Variants in ZFYVE28 observed in about 807,000 individuals in gnomAD.
The protein encoded by ZFYVE28 is lateral signaling target protein 2 homolog.
ZFYVE28 carries 40 observed loss-of-function variants against 82.1 expected under a neutral mutation model. That is an observed-to-expected ratio of 0.49 (90% confidence interval 0.38 to 0.63). The LOEUF (loss-of-function observed/expected upper bound fraction) is 0.63, where lower values mean the gene tolerates loss of function less well. Among genes scored for constraint, ZFYVE28 ranks in the 30% least tolerant of loss-of-function variants. The pLI is 0.00. For synonymous variants in ZFYVE28, 612 were observed against 546.1 expected (o/e 1.12, Z -1.68); for missense variants, 1,321 against 1,242.1 (o/e 1.06, Z -0.96).
chr4:2,330,776 T>C, intron 6 of ZFYVE28: 2 of 1,517,490 alleles, frequency 1.3e-6, no homozygotes, highest in South Asian at 1.2e-5. Flanking sequence ...GCAGTAGGGA[T>C]AGGACAGTCA....
At chr4:2,410,642 C>T (rs4974690) in intron 1 of ZFYVE28, among the ~76,000 whole-genome samples, 24,834 of 151,874 alleles carry the variant, frequency 0.16, 2,178 homozygotes, top group East Asian at 0.34. Flanking sequence ...ACTACAGGCG[C>T]CCGCCACCAC....
chr4:2,292,851 G>A (rs7694083), intron 8 of ZFYVE28, among the ~76,000 whole-genome samples: 86,792 of 151,954 alleles, frequency 0.57, 25,269 homozygotes, highest in Admixed American at 0.61. Flanking sequence ...ACAAGAAGAC[G>A]GCTGCCTGAC....
At chr4:2,271,071 C>T (rs553701752) in intron 12 of ZFYVE28, 6 of 756,036 alleles carry the variant, frequency 7.9e-6, no homozygotes, top group South Asian at 7.3e-5. Flanking sequence ...TGTTCACACT[C>T]GCTGTCCCCT....
At chr4:2,375,628 G>A (rs2108908757) in intron 1 of ZFYVE28, among the ~76,000 whole-genome samples, 1 of 146,034 alleles carries the variant, frequency 6.8e-6, no homozygotes, top group East Asian at 2.1e-4. Flanking sequence ...CATGGACCAG[G>A]AGGAGAGGAA....
rs1353610918 is a variant in ZFYVE28 at position 2,418,436 on chromosome 4, G to A, written c.-113C>T. 3.5e-6 allele frequency: 3 copies of A among 856,250 alleles called. No homozygotes were observed. Among genetic ancestry groups the A allele is most frequent in the African/African-American group, 3.7e-5 (2 of 54,678 alleles). 53.0% of individuals were successfully genotyped at this position (856,250 alleles called of 1,614,324 possible). ...GAGGCACGGCCGGAGCCCCCGCGCTGTCGCAGGGAGGCTGGCTAGCGAAGC... is the reference window on the plus strand; with the variant it reads ...GAGGCACGGCCGGAGCCCCCGCGCTATCGCAGGGAGGCTGGCTAGCGAAGC... On this transcript the variant is annotated 5_prime_UTR_variant, in exon 1 of 13. Coordinates refer to ENST00000290974, the MANE Select transcript of ZFYVE28 (RefSeq NM_020972.3). The surrounding 1 kb of genome is among the most constrained non-coding windows in gnomAD (Gnocchi z 4.6).
intron 8 of ZFYVE28, chr4:2,285,797 G>C (rs539503002): frequency 3.3e-4 from 51 of 152,598 alleles, no homozygotes; most frequent in African/African-American, 1.2e-3. Flanking sequence ...AAACAGCTCA[G>C]CGGGAGGGAG....
At chr4:2,317,470 T>C (rs771138328) in intron 7 of ZFYVE28, among the ~76,000 whole-genome samples, 2 of 152,178 alleles carry the variant, frequency 1.3e-5, no homozygotes, top group Non-Finnish European at 1.5e-5. Context: ...CGCTTAGGCC[T>C]GGTTACTGCA....
At chr4:2,296,063 C>T (rs1273928316) in intron 8 of ZFYVE28, among the ~76,000 whole-genome samples, 1 of 152,180 alleles carries the variant, frequency 6.6e-6, no homozygotes, top group East Asian at 1.9e-4. Context: ...GTCATGAGGA[C>T]ATGTGGGGGA....
At chr4:2,271,022 G>A in intron 12 of ZFYVE28, 166 bp from the exon 13 acceptor site, 1 of 1,034,110 alleles carries the variant, frequency 9.7e-7, no homozygotes, top group Non-Finnish European at 1.4e-6. Context: ...TGGACTCTAT[G>A]AGGGGTCCAC....
chr4:2,404,843 C>T (rs1045375970), intron 1 of ZFYVE28, among the ~76,000 whole-genome samples: 2 of 148,786 alleles, frequency 1.3e-5, no homozygotes, highest in African/African-American at 5.0e-5. Flanking sequence ...GCATTTCACC[C>T]TCTCAGTCTC....
chr4:2,334,274 G>A (rs1443835366), intron 6 of ZFYVE28, among the ~76,000 whole-genome samples: 1 of 152,102 alleles, frequency 6.6e-6, no homozygotes, highest in African/African-American at 2.4e-5. Context: ...CCCTCCCGGA[G>A]GAGGTGGCAC....
chr4:2,330,979 G>C (rs768773421), intron 6 of ZFYVE28: 2 of 1,534,994 alleles, frequency 1.3e-6, no homozygotes, highest in South Asian at 1.2e-5. Context: ...AAGAGGATCC[G>C]GCAACCATCC....
intron 8 of ZFYVE28, among the ~76,000 whole-genome samples, chr4:2,302,010 G>A (rs774365704): frequency 5.1e-4 from 77 of 152,366 alleles, no homozygotes; most frequent in Non-Finnish European, 8.2e-4. Context: ...AGCCTCGCAT[G>A]AGGCCCTGCC....
rs1055004764 is a variant in ZFYVE28, at chr4:2,408,235, C to T, written c.39+10050G>A. Among the ~76,000 whole-genome samples, 8 of 152,190 alleles carry T rather than the reference C, an allele frequency of 5.3e-5. No individual in the cohort carries two copies. The highest frequency in any genetic ancestry group is 3.9e-4 in the Admixed American group (6 of 15,288). ...TCCCCTAACCCCACCATGCCCTGGG[C>T]CTCCCTGTGAGTGCTCCCAAGAACA... On this transcript the variant is annotated intron_variant, in intron 1 of 12. Coordinates refer to ENST00000290974, the MANE Select transcript of ZFYVE28 (RefSeq NM_020972.3). This position sits in a 1 kb window ranked among gnomAD's most constrained non-coding sequence, Gnocchi z 4.3.
chr4:2,370,001 T>C (rs3135135), intron 1 of ZFYVE28, among the ~76,000 whole-genome samples: 92,927 of 150,398 alleles, frequency 0.62, 29,505 homozygotes, highest in East Asian at 0.74. Flanking sequence ...CAGGAGTGCA[T>C]CACCAAGCTC....
At chr4:2,355,540 A>G (rs1017047408) in intron 1 of ZFYVE28, among the ~76,000 whole-genome samples, 2 of 150,818 alleles carry the variant, frequency 1.3e-5, no homozygotes, top group Admixed American at 1.3e-4. Flanking sequence ...TCAGCCTTCC[A>G]AAGTGCTGGG....
intron 7 of ZFYVE28, among the ~76,000 whole-genome samples, chr4:2,312,778 C>T (rs924981059): frequency 2.7e-5 from 4 of 147,064 alleles, no homozygotes; most frequent in Non-Finnish European, 4.5e-5. Flanking sequence ...GGTACAGTGG[C>T]TCACACCTAT....
intron 2 of ZFYVE28, among the ~76,000 whole-genome samples, chr4:2,348,638 C>T (rs1014572766): frequency 2.6e-5 from 4 of 152,150 alleles, no homozygotes; most frequent in African/African-American, 7.2e-5. Flanking sequence ...AAAAATCAAT[C>T]AATGTATGCT....
In ZFYVE28 at chr4:2,321,103, C is replaced by A. The variant is rs569143254; in HGVS notation, c.702-832G>T. On this transcript the variant is annotated intron_variant, in intron 6 of 12. Coordinates refer to ENST00000290974, the MANE Select transcript of ZFYVE28 (RefSeq NM_020972.3). Reference sequence around the variant, plus strand: ...GTGCCTCCTCCTGGGTCTCTTGGGACCAGACCATGTCTCAGGTGCCTGGGG... The same window carrying A: ...GTGCCTCCTCCTGGGTCTCTTGGGAACAGACCATGTCTCAGGTGCCTGGGG... 3.3e-5 allele frequency among the ~76,000 whole-genome samples: 5 copies of A among 152,238 alleles called. No homozygotes were observed. The South Asian group carries it at 1.0e-3, about 32-fold the overall frequency.
Sources: gnomAD v4.1 joint callset for allele counts (sites outside exome capture counted in the v4.1 genomes callset) on GRCh38, gnomAD v4.1.1 for gene constraint, Gnocchi (gnomAD v3.1) non-coding constraint, MANE v1.5 for transcripts, NCBI Gene and HGNC (gene_info 2026-07-23, HGNC 2026-07-21) for gene names.